MORN1: variants seen among roughly 807,000 people sequenced by gnomAD.
MORN1 encodes the protein MORN repeat containing 1.
In MORN1, 67 loss-of-function variants were observed where a neutral mutation model predicts 61.9. The observed-to-expected ratio is 1.08, with a 90% confidence interval of 0.89 to 1.33. The LOEUF is 1.33. MORN1 is among the 40% of genes most tolerant of loss of function. The pLI, the probability that MORN1 is intolerant of heterozygous loss-of-function variation, is 0.00. For synonymous variants in MORN1, 301 were observed against 292.0 expected (o/e 1.03, Z -0.31); for missense variants, 752 against 691.2 (o/e 1.09, Z -0.99).
chr1:2,373,919 G>A (rs538175241), intron 7 of MORN1, among the ~76,000 whole-genome samples: 51 of 152,370 alleles, frequency 3.3e-4, no homozygotes, highest in African/African-American at 1.2e-3. Context: ...CCGGCGCAGG[G>A]CCAGAGTCGG....
chr1:2,332,773 C>A (rs868633241), intron 12 of MORN1: 1 of 456,064 alleles, frequency 2.2e-6, no homozygotes, highest in Middle Eastern at 3.3e-4. Context: ...GTGAAAACCT[C>A]CATGAGTGAG....
chr1:2,363,806 A>AAC, intron 8 of MORN1, among the ~76,000 whole-genome samples: 1 of 69,854 alleles, frequency 1.4e-5, no homozygotes, highest in South Asian at 7.6e-4. Flanking sequence ...ACAAACAAAC[A>AAC]AAAAAATATA....
chr1:2,349,131 T>C (rs1468096912), intron 10 of MORN1, among the ~76,000 whole-genome samples: 1 of 152,196 alleles, frequency 6.6e-6, no homozygotes, highest in Admixed American at 6.5e-5. Flanking sequence ...GAGACCCCGC[T>C]GGCCACCCCA....
chr1:2,324,103 G>T lies in MORN1; in HGVS notation c.1291C>A (p.His431Asn). The change falls in exon 13 of 14, where the codon CAC becomes AAC. Residue 431 changes from histidine (H) to asparagine (N), a missense_variant. His to Asn is a moderately conservative substitution (Grantham distance 68, BLOSUM62 1). Coordinates refer to ENST00000378531, the MANE Select transcript of MORN1 (RefSeq NM_024848.3). ...RATEEQAAAA[H>N]LGEYVLMIRD... Reference sequence around the variant, plus strand: ...TTGGGCCCTGTCCACCTACCTAGGTGTGCTGCCGCAGCCTGCTCCTCCGTG... The same window carrying T: ...TTGGGCCCTGTCCACCTACCTAGGTTTGCTGCCGCAGCCTGCTCCTCCGTG... 1 of 1,599,734 alleles carries T rather than the reference G, an allele frequency of 6.3e-7. No individual in the cohort carries two copies. The highest frequency in any genetic ancestry group is 8.5e-7 in the Non-Finnish European group (1 of 1,174,756).
In MORN1 at chr1:2,321,389, A is replaced by C; in HGVS notation, c.1488T>G (p.Pro496=). 3 of 1,522,924 alleles carry C rather than the reference A, an allele frequency of 2.0e-6. No homozygotes were observed. The highest frequency in any genetic ancestry group is 2.6e-6 in the Non-Finnish European group (3 of 1,135,190). The allele number at this position is 1,522,924 out of a possible 1,614,324, so 94.3% of individuals were successfully genotyped here. Residue 496 remains proline (P), a synonymous_variant, in exon 14 of 14, where the codon CCT becomes CCG. Transcript: ENST00000378531. ...AHSCTPEPPA[P]R The stretch of plus-strand genomic sequence containing the variant: ...CTCCTGTGGACACGGGGCCTCACCG[A>C]GGCGCTGGCGGCTCTGGGGTGCAGC...
intron 6 of MORN1, chr1:2,378,968 C>G (rs1358970002): frequency 2.1e-6 from 1 of 467,108 alleles, no homozygotes; most frequent in East Asian, 6.9e-5. Flanking sequence ...TTCTTATTTT[C>G]CGTCAGAAGA....
At chr1:2,352,029 C>A in intron 10 of MORN1, 1 of 550,120 alleles carries the variant, frequency 1.8e-6, no homozygotes, top group Admixed American at 2.3e-5. Flanking sequence ...AGGTCCACCT[C>A]CCCTAGGAAT....
At chr1:2,338,840 C>T (rs932248726) in intron 10 of MORN1, among the ~76,000 whole-genome samples, 1 of 152,192 alleles carries the variant, frequency 6.6e-6, no homozygotes, top group Non-Finnish European at 1.5e-5. Flanking sequence ...CAGGTTCTCA[C>T]GACATCCCTG....
At chr1:2,379,934 T>C (rs1642333100) in intron 6 of MORN1, among the ~76,000 whole-genome samples, 1 of 152,140 alleles carries the variant, frequency 6.6e-6, no homozygotes, top group Admixed American at 6.5e-5. Context: ...TGCAGCCGTA[T>C]TCACAGCAGC....
chr1:2,372,617 A>G lies in MORN1; in HGVS notation c.635-26T>C, dbSNP rs752479737. 3 of 1,584,536 alleles carry G rather than the reference A, an allele frequency of 1.9e-6. No individual in the cohort carries two copies. In the Admixed American group the frequency reaches 5.2e-5, roughly 27 times the overall value. ...CTGGGAGAGGACAGAGTGTGGCTTT[A>G]GCGGTGACTGGCATGGTCCCCCACC... On this transcript the variant is annotated intron_variant, in intron 7 of 13. Transcript: ENST00000378531. The surrounding 1 kb of genome is among the most constrained non-coding windows in gnomAD (Gnocchi z 5.4).
In MORN1 at chr1:2,358,847, G is replaced by C. The variant is rs1232919116; in HGVS notation, c.746-132C>G. ...CACATTTGCCAGTGGCTGTGACCCT[G>C]GTGGGCTGAGGACCCCGGCTTGCCC... On this transcript the variant is annotated intron_variant, in intron 8 of 13. Transcript: ENST00000378531. 6 of 1,123,688 alleles carry C rather than the reference G, an allele frequency of 5.3e-6. No individual in the cohort carries two copies. The East Asian group carries it at 1.0e-4, about 19-fold the overall frequency. The allele number at this position is 1,123,688 out of a possible 1,614,324, so 69.6% of individuals were successfully genotyped here.
intron 10 of MORN1, among the ~76,000 whole-genome samples, chr1:2,349,506 T>C (rs916102806): frequency 4.6e-5 from 7 of 152,368 alleles, no homozygotes; most frequent in African/African-American, 1.7e-4. Flanking sequence ...AGCAACATGA[T>C]ATCTTTTTAT....
chr1:2,380,960 G>A (rs1642358507), intron 6 of MORN1, among the ~76,000 whole-genome samples: 1 of 152,198 alleles, frequency 6.6e-6, no homozygotes. Flanking sequence ...CCTGACCCCC[G>A]TCTCTGGCGG....
chr1:2,341,019 C>T (rs1013175759), intron 10 of MORN1, among the ~76,000 whole-genome samples: 1 of 152,260 alleles, frequency 6.6e-6, no homozygotes. Context: ...TTGCACGTCT[C>T]CACCCGGCCC....
At chr1:2,336,130 G>A (rs192384916) in intron 12 of MORN1, among the ~76,000 whole-genome samples, 389 of 152,278 alleles carry the variant, frequency 2.6e-3, no homozygotes, top group African/African-American at 8.7e-3. Flanking sequence ...GCCACCAGCC[G>A]TCTTCCTCTG....
chr1:2,370,617 G>C (rs1422695569), intron 8 of MORN1, among the ~76,000 whole-genome samples: 1 of 151,958 alleles, frequency 6.6e-6, no homozygotes, highest in African/African-American at 2.4e-5. Flanking sequence ...TCCGCAATAG[G>C]TAAAGAACTC....
chr1:2,351,485 C>T (rs1247306052), intron 10 of MORN1: 10 of 174,744 alleles, frequency 5.7e-5, no homozygotes, highest in Non-Finnish European at 7.3e-5. Context: ...ACGTTCGTGA[C>T]GGGCTATTTG....
chr1:2,341,692 G>GAAAAA (rs68071614), intron 10 of MORN1, among the ~76,000 whole-genome samples: 28 of 133,726 alleles, frequency 2.1e-4, no homozygotes, highest in South Asian at 1.2e-3. Context: ...TCCGTCTCAA[G>GAAAAA]AAAAAAAAAA....
chr1:2,374,859 CAAA>C, intron 6 of MORN1: 9 of 251,160 alleles, frequency 3.6e-5, no homozygotes, highest in Admixed American at 1.1e-4. Context: ...CACATTTCAG[CAAA>C]AAAAAAAAAT....
Sources: allele counts gnomAD v4.1 joint callset (sites outside exome capture counted in the v4.1 genomes callset), GRCh38; gene constraint gnomAD v4.1.1; non-coding constraint Gnocchi (gnomAD v3.1); transcripts MANE v1.5; gene names NCBI Gene and HGNC (gene_info 2026-07-23, HGNC 2026-07-21).